BACH2: variants seen among roughly 807,000 people sequenced by gnomAD.
The protein encoded by BACH2 is transcription regulator protein BACH2.
In BACH2, 5 loss-of-function variants were observed where a neutral mutation model predicts 61.8. That is an observed-to-expected ratio of 0.08 (90% confidence interval 0.04 to 0.17). BACH2 has a LOEUF of 0.17. Among genes scored for constraint, BACH2 ranks in the 10% least tolerant of loss-of-function variants. BACH2 has a pLI of 1.00. For synonymous variants in BACH2, 446 were observed against 440.1 expected (o/e 1.01, Z -0.17); for missense variants, 824 against 1,091.1 (o/e 0.76, Z 3.45).
intron 4 of BACH2, among the ~76,000 whole-genome samples, chr6:90,099,563 T>C (rs994986608): frequency 6.6e-6 from 1 of 152,096 alleles, no homozygotes; most frequent in African/African-American, 2.4e-5. Context: ...GTTTTTGTTT[T>C]TTAAGGAAGA....
At chr6:90,133,604 A>G (rs1784154965) in intron 4 of BACH2, among the ~76,000 whole-genome samples, 2 of 151,712 alleles carry the variant, frequency 1.3e-5, no homozygotes, top group African/African-American at 4.8e-5. Context: ...GGTTTGTTAC[A>G]TATGTATACA....
intron 4 of BACH2, among the ~76,000 whole-genome samples, chr6:90,190,176 C>T (rs1022699260): frequency 1.3e-5 from 2 of 152,158 alleles, no homozygotes; most frequent in African/African-American, 4.8e-5. Context: ...AACTCCTGAC[C>T]TTGTGATCCG....
chr6:89,974,117 A>G (rs2128361640), intron 6 of BACH2, among the ~76,000 whole-genome samples: 1 of 152,260 alleles, frequency 6.6e-6, no homozygotes, highest in East Asian at 1.9e-4. Context: ...CCCACCTGTT[A>G]AAAACACAGA....
intron 5 of BACH2, among the ~76,000 whole-genome samples, chr6:90,067,942 A>G (rs747246314): frequency 2.6e-5 from 4 of 152,094 alleles, no homozygotes; most frequent in Non-Finnish European, 4.4e-5. Context: ...CACTCAACAA[A>G]TATTTATTAA....
chr6:90,128,293 A>G (rs1419744038), intron 4 of BACH2, among the ~76,000 whole-genome samples: 2 of 151,770 alleles, frequency 1.3e-5, no homozygotes, highest in Non-Finnish European at 2.9e-5. Context: ...TGGTGGTAAG[A>G]GTCTATAGGC....
At chr6:90,194,389 ATAG>A (rs1768682892) in intron 4 of BACH2, among the ~76,000 whole-genome samples, 1 of 152,158 alleles carries the variant, frequency 6.6e-6, no homozygotes, top group African/African-American at 2.4e-5. Flanking sequence ...ACTTAGAGTT[ATAG>A]TTCAAAATAC....
rs60175244 is a variant in BACH2 at position 89,959,097 on chromosome 6, G to GCACACACACACACACACA, written c.244-7253_244-7236dup. The stretch of plus-strand genomic sequence containing the variant: ...GTCAATAACACATGCATGCACAAGT[G>GCACACACACACACACACA]CACACACACACACACACACACACAC... On this transcript the variant is annotated intron_variant, in intron 6 of 8. Transcript: ENST00000257749. Among the ~76,000 whole-genome samples the GCACACACACACACACACA allele has an allele frequency of 3.7e-5, 5 of 134,484 alleles. 1 individual carries two copies. The highest frequency in any genetic ancestry group is 5.3e-4 in the South Asian group (2 of 3,796). 88.2% of individuals were successfully genotyped at this position (134,484 alleles called of 152,430 possible).
At chr6:90,000,551 T>C (rs188889189) in intron 6 of BACH2, among the ~76,000 whole-genome samples, 28 of 152,346 alleles carry the variant, frequency 1.8e-4, no homozygotes, top group African/African-American at 6.3e-4. Context: ...TATAGCACCA[T>C]CCTTCCAAGA....
rs746784202 is a variant in BACH2 at position 89,932,744 on chromosome 6, G to A, written c.2190C>T (p.Cys730=). Residue 730 remains cysteine, a synonymous_variant, in exon 9 of 9, where the codon TGC becomes TGT. Transcript: ENST00000257749. Reference sequence around the variant, plus strand: ...GCAAGTCCATGGGTCTGAGGACAGGGCAATACCGATGCAGGGCCTGGATCT... The same window carrying A: ...GCAAGTCCATGGGTCTGAGGACAGGACAATACCGATGCAGGGCCTGGATCT... ...PEQIQALHRY[C]PVLRPMDLPT... 1.9e-6 allele frequency: 3 copies of A among 1,614,164 alleles called. No individual in the cohort carries two copies. The highest frequency in any genetic ancestry group is 3.3e-5 in the Admixed American group (2 of 60,032).
intron 4 of BACH2, among the ~76,000 whole-genome samples, chr6:90,111,573 C>A (rs1582375667): frequency 6.6e-6 from 1 of 152,328 alleles, no homozygotes; most frequent in Non-Finnish European, 1.5e-5. Flanking sequence ...TGTGCTCCAG[C>A]CTGGAAGGCT....
intron 4 of BACH2, among the ~76,000 whole-genome samples, chr6:90,115,858 AAGG>A (rs1210457703): frequency 5.3e-5 from 8 of 152,194 alleles, no homozygotes. Context: ...AAAGGGGGCA[AAGG>A]ACACGAACAA....
chr6:90,286,936 A>G (rs1772037137), intron 1 of BACH2, among the ~76,000 whole-genome samples: 1 of 152,234 alleles, frequency 6.6e-6, no homozygotes, highest in African/African-American at 2.4e-5. Context: ...ACGGAGGTAT[A>G]ACTAAACTGC....
intron 3 of BACH2, among the ~76,000 whole-genome samples, chr6:90,230,487 G>A (rs1344530395): frequency 2.6e-5 from 4 of 152,174 alleles, no homozygotes; most frequent in African/African-American, 9.7e-5. Flanking sequence ...TGACAGTACT[G>A]GTCGTAGGAC....
chr6:90,252,051 C>CT (rs1316105017), intron 3 of BACH2, among the ~76,000 whole-genome samples: 1 of 152,178 alleles, frequency 6.6e-6, no homozygotes, highest in Admixed American at 6.5e-5. Context: ...TAGCATCAAA[C>CT]TTTCAACCAT....
At chr6:90,108,489 C>T (rs1480695117) in intron 4 of BACH2, among the ~76,000 whole-genome samples, 1 of 152,226 alleles carries the variant, frequency 6.6e-6, no homozygotes, top group Non-Finnish European at 1.5e-5. Flanking sequence ...CTGCATTACA[C>T]TTCCATGGCT....
At chr6:89,933,134 G>A (rs1270838276) in intron 8 of BACH2, among the ~76,000 whole-genome samples, 4 of 152,002 alleles carry the variant, frequency 2.6e-5, no homozygotes, top group Non-Finnish European at 5.9e-5. Context: ...TCCAAGGCCC[G>A]GGCAAACAAC....
chr6:89,935,213 A>T (rs1427764575), intron 8 of BACH2, among the ~76,000 whole-genome samples: 1 of 152,156 alleles, frequency 6.6e-6, no homozygotes, highest in Non-Finnish European at 1.5e-5. Flanking sequence ...CTGTCAGGAC[A>T]TAGCATCCTC....
chr6:90,221,595 G>C (rs1177071378), intron 3 of BACH2, among the ~76,000 whole-genome samples: 2 of 152,164 alleles, frequency 1.3e-5, no homozygotes, highest in Admixed American at 6.6e-5. Context: ...CCTAATGGCA[G>C]AACAGCAAGA....
At chr6:90,011,011 T>C (rs1311412152) in intron 5 of BACH2, among the ~76,000 whole-genome samples, 12 of 152,162 alleles carry the variant, frequency 7.9e-5, no homozygotes, top group African/African-American at 2.9e-4. Flanking sequence ...CTTGTAAAAA[T>C]TTTTTCCCAG....
Sources: allele counts gnomAD v4.1 joint callset (sites outside exome capture counted in the v4.1 genomes callset), GRCh38; gene constraint gnomAD v4.1.1; transcripts MANE v1.5; gene names NCBI Gene and HGNC (gene_info 2026-07-23, HGNC 2026-07-21).